Variants in ODF2L observed in about 807,000 individuals in gnomAD.
ODF2L encodes protein BCAP.
In ODF2L, 76 loss-of-function variants were observed where a neutral mutation model predicts 86.3. That is an observed-to-expected ratio of 0.88 (90% CI 0.73 to 1.07). ODF2L has a LOEUF of 1.07. ODF2L is among the 50% of genes least tolerant of loss of function. ODF2L has a pLI of 0.00. For missense variants in ODF2L, 748 were observed against 717.4 expected (o/e 1.04, Z -0.49); for synonymous variants, 241 against 231.3 (o/e 1.04, Z -0.38).
rs539225886 is a variant in ODF2L, at chr1:86,376,530, C to CT, written c.625-113dup. On this transcript the variant is annotated intron_variant, in intron 7 of 17. Transcript: ENST00000317336. ...GTTTGTGTATTACTCCATTCTCACA[C>CT]TGCCATAAAGAAATACCCTAGACTG... 170 of 648,172 alleles carry CT rather than the reference C, an allele frequency of 2.6e-4. 3 individuals carry two copies. The East Asian group carries it at 4.6e-3, about 18-fold the overall frequency. 40.2% of individuals were successfully genotyped at this position (648,172 alleles called of 1,614,324 possible).
intron 1 of ODF2L, among the ~76,000 whole-genome samples, chr1:86,394,952 T>C (rs1054525625): frequency 6.7e-6 from 1 of 150,320 alleles, no homozygotes; most frequent in Non-Finnish European, 1.5e-5. Flanking sequence ...GCCATTCTCC[T>C]GCCTCAGCCT....
intron 8 of ODF2L, among the ~76,000 whole-genome samples, chr1:86,373,428 C>G (rs899858811): frequency 6.7e-6 from 1 of 149,918 alleles, no homozygotes; most frequent in African/African-American, 2.4e-5. Flanking sequence ...AAATGTCTGC[C>G]AACCACAGCC....
chr1:86,359,497 A>AAG (rs1278217776), intron 12 of ODF2L, among the ~76,000 whole-genome samples: 10 of 148,646 alleles, frequency 6.7e-5, no homozygotes, highest in African/African-American at 2.2e-4. Flanking sequence ...TGGCCCCCTT[A>AAG]AGCTTTCATC....
chr1:86,386,956 T>G, exon 2 of ODF2L: 9 of 1,598,912 alleles, frequency 5.6e-6, no homozygotes, highest in Non-Finnish European at 7.7e-6. Flanking sequence ...GTAAATCTTC[T>G]TTCTCTGATA....
chr1:86,388,468 T>G (rs1661095140), intron 1 of ODF2L, among the ~76,000 whole-genome samples: 1 of 152,104 alleles, frequency 6.6e-6, no homozygotes, highest in Non-Finnish European at 1.5e-5. Context: ...ATGTCTTTTT[T>G]ATATTTGAAT....
intron 7 of ODF2L, among the ~76,000 whole-genome samples, chr1:86,378,963 A>C (rs893267423): frequency 6.6e-6 from 1 of 152,026 alleles, no homozygotes; most frequent in Non-Finnish European, 1.5e-5. Flanking sequence ...TTTCTTATGA[A>C]TGGTTTACAG....
chr1:86,351,961 C>G, exon 18 of ODF2L: 4 of 1,235,332 alleles, frequency 3.2e-6, no homozygotes, highest in Non-Finnish European at 4.1e-6. Context: ...CACAAAAAAA[C>G]AGCACACACA....
chr1:86,355,199 T>G, intron 14 of ODF2L: 1 of 603,690 alleles, frequency 1.7e-6, no homozygotes, highest in Non-Finnish European at 2.9e-6. Flanking sequence ...ATCTCCTATT[T>G]TTGGATACCT....
At chr1:86,349,008 A>T, downstream of ODF2L, 1 of 890,412 alleles carries the variant, frequency 1.1e-6, no homozygotes, top group Non-Finnish European at 1.5e-6. Context: ...TAATACTCAC[A>T]TCTGATGTGT....
At chr1:86,349,032 T>C, downstream of ODF2L, 1 of 651,814 alleles carries the variant, frequency 1.5e-6, no homozygotes, top group Non-Finnish European at 2.2e-6. Context: ...TTCTTAGAGC[T>C]CACTCTTTAA....
chr1:86,388,514 T>C (rs991812593), intron 1 of ODF2L, among the ~76,000 whole-genome samples: 2 of 152,058 alleles, frequency 1.3e-5, no homozygotes, highest in African/African-American at 4.8e-5. Context: ...AGCTAAGCAA[T>C]AATTGAACGA....
intron 17 of ODF2L, chr1:86,352,319 G>A (rs1658193047): frequency 1.6e-6 from 2 of 1,237,626 alleles, no homozygotes; most frequent in Non-Finnish European, 2.1e-6. Flanking sequence ...CCAATTGACT[G>A]TTTCATGAGT....
intron 11 of ODF2L, among the ~76,000 whole-genome samples, chr1:86,366,989 A>C (rs1034728892): frequency 7.9e-5 from 12 of 152,152 alleles, no homozygotes; most frequent in African/African-American, 2.9e-4. Context: ...AAGGTCTACA[A>C]AGTACTTAGC....
At chr1:86,387,043 A>G (rs761999430) in exon 2 of ODF2L, 5 of 1,321,244 alleles carry the variant, frequency 3.8e-6, no homozygotes, top group Non-Finnish European at 5.3e-6. Flanking sequence ...CAGTAAATGG[A>G]TTTATAGGTG....
At chr1:86,357,733 A>C in intron 13 of ODF2L, 1 of 978,080 alleles carries the variant, frequency 1.0e-6, no homozygotes, top group Non-Finnish European at 1.2e-6. Flanking sequence ...CAGTGAAGTA[A>C]GAAAAAGAAA....
exon 18 of ODF2L, chr1:86,351,407 G>C (rs1658128676): frequency 6.6e-6 from 1 of 152,178 alleles, no homozygotes; most frequent in Admixed American, 6.5e-5. Flanking sequence ...GGTTGTAGAT[G>C]TGTGGAGTTA....
chr1:86,381,096 TCAGA>T (rs1239319296), intron 7 of ODF2L, among the ~76,000 whole-genome samples: 7 of 152,076 alleles, frequency 4.6e-5, no homozygotes, highest in South Asian at 2.1e-4. Context: ...ATTCATAGAC[TCAGA>T]CAGTTTCTTT....
chr1:86,354,686 T>G, exon 16 of ODF2L: 1 of 1,605,430 alleles, frequency 6.2e-7, no homozygotes, highest in East Asian at 2.2e-5. Context: ...CCATCTGTTC[T>G]AATTTTCTTT....
chr1:86,373,439 A>G (rs1473084884), intron 8 of ODF2L, among the ~76,000 whole-genome samples: 2 of 149,972 alleles, frequency 1.3e-5, no homozygotes, highest in African/African-American at 2.4e-5. Flanking sequence ...AACCACAGCC[A>G]CCACATATAT....
Sources: gnomAD v4.1 joint callset for allele counts (sites outside exome capture counted in the v4.1 genomes callset) on GRCh38, gnomAD v4.1.1 for gene constraint, MANE v1.5 for transcripts, NCBI Gene and HGNC (gene_info 2026-07-23, HGNC 2026-07-21) for gene names.